TMEM181: variants seen among roughly 807,000 people sequenced by gnomAD.
The protein encoded by TMEM181 is G protein-coupled receptor 178.
A neutral mutation model predicts 71.9 loss-of-function variants in TMEM181; 39 were observed. The observed-to-expected ratio is 0.54, with a 90% CI of 0.42 to 0.71. The LOEUF is 0.71. Among genes scored for constraint, TMEM181 ranks in the 30% least tolerant of loss-of-function variants. TMEM181 has a pLI of 0.00. For missense variants in TMEM181, 595 were observed against 583.0 expected, an observed-to-expected ratio of 1.02 and a Z score of -0.21; for synonymous variants, 245 against 228.8, an observed-to-expected ratio of 1.07 and a Z score of -0.64.
exon 1 of TMEM181, chr6:158,536,850 A>G: frequency 2.0e-6 from 3 of 1,489,484 alleles, no homozygotes; most frequent in Non-Finnish European, 2.7e-6. Flanking sequence ...CCCTTCAAGG[A>G]TGACCGCTAC....
intron 2 of TMEM181, among the ~76,000 whole-genome samples, chr6:158,577,947 A>C (rs1305586033): frequency 1.3e-5 from 2 of 152,104 alleles, no homozygotes; most frequent in African/African-American, 4.8e-5. Flanking sequence ...AAAATTAGCC[A>C]GGCGTGGTGG....
At chr6:158,546,258 C>A (rs1334155660) in intron 1 of TMEM181, among the ~76,000 whole-genome samples, 5 of 152,158 alleles carry the variant, frequency 3.3e-5, no homozygotes, top group African/African-American at 9.7e-5. Flanking sequence ...AAATACCCTC[C>A]CCTCAGGCTG....
At chr6:158,550,487 C>A (rs1781684784) in intron 1 of TMEM181, among the ~76,000 whole-genome samples, 1 of 151,826 alleles carries the variant, frequency 6.6e-6, no homozygotes, top group African/African-American at 2.4e-5. Context: ...GAAGCCCCAT[C>A]TCTACTGAAA....
At chr6:158,617,179 A>C (rs1159447424) in intron 10 of TMEM181, among the ~76,000 whole-genome samples, 3 of 152,140 alleles carry the variant, frequency 2.0e-5, no homozygotes, top group South Asian at 2.1e-4. Flanking sequence ...TTGGTCTATT[A>C]AGAGATTCAG....
In TMEM181 at chr6:158,612,313, A is replaced by G. The variant is rs570033558; in HGVS notation, c.896+3563A>G. Among the ~76,000 whole-genome samples the G allele has an allele frequency of 3.9e-5, 6 of 152,330 alleles. No homozygotes were observed. The East Asian group carries it at 9.6e-4, about 24-fold the overall frequency. ...CTCCTGCTCTGTCATTCCAGACCCT[A>G]TAGTTATAAAAGGACCAGGGGCGAC... On this transcript the variant is annotated intron_variant, in intron 10 of 16. Transcript: ENST00000684151.
chr6:158,561,335 C>T (rs1226996050), intron 1 of TMEM181, among the ~76,000 whole-genome samples: 12 of 152,180 alleles, frequency 7.9e-5, no homozygotes, highest in African/African-American at 9.7e-5. Context: ...AATATCAGAC[C>T]TATGTGGATG....
intron 1 of TMEM181, among the ~76,000 whole-genome samples, chr6:158,540,460 A>G (rs1781299902): frequency 6.6e-6 from 1 of 152,226 alleles, no homozygotes; most frequent in South Asian, 2.1e-4. Context: ...TAAACTGGAA[A>G]GTAGCCAGAT....
At chr6:158,538,890 T>A (rs1781235727) in intron 1 of TMEM181, among the ~76,000 whole-genome samples, 1 of 152,062 alleles carries the variant, frequency 6.6e-6, no homozygotes, top group Non-Finnish European at 1.5e-5. Context: ...CATAAAAACA[T>A]GAAATGTTCA....
At chr6:158,631,054 C>T (rs372654221) in intron 15 of TMEM181, among the ~76,000 whole-genome samples, 3 of 152,256 alleles carry the variant, frequency 2.0e-5, no homozygotes, top group East Asian at 1.9e-4. Context: ...GGAGGCAGCT[C>T]GTGCGTGGGC....
intron 6 of TMEM181, among the ~76,000 whole-genome samples, chr6:158,599,330 T>G (rs1784548739): frequency 2.6e-5 from 4 of 152,146 alleles, no homozygotes. Flanking sequence ...GTGTGGGCAC[T>G]TGTTCCAAAG....
intron 1 of TMEM181, among the ~76,000 whole-genome samples, chr6:158,569,761 T>A (rs919514190): frequency 8.5e-5 from 13 of 152,236 alleles, no homozygotes; most frequent in African/African-American, 2.9e-4. Context: ...CCATCACACC[T>A]GGCTAAGTTT....
chr6:158,567,919 G>A (rs1450557157), intron 1 of TMEM181, among the ~76,000 whole-genome samples: 1 of 152,174 alleles, frequency 6.6e-6, no homozygotes, highest in Non-Finnish European at 1.5e-5. Flanking sequence ...ACTTTGAAAG[G>A]CCTGTCTAAA....
intron 2 of TMEM181, among the ~76,000 whole-genome samples, chr6:158,579,316 G>C (rs949138589): frequency 6.6e-6 from 1 of 150,906 alleles, no homozygotes; most frequent in African/African-American, 2.4e-5. Context: ...GTTCATAGCA[G>C]CATTATTCAC....
At chr6:158,587,676 T>A (rs1415013816) in intron 5 of TMEM181, among the ~76,000 whole-genome samples, 1 of 151,518 alleles carries the variant, frequency 6.6e-6, no homozygotes, top group East Asian at 1.9e-4. Context: ...ATTGTCTGAC[T>A]TAGGTAGCAA....
intron 7 of TMEM181, among the ~76,000 whole-genome samples, chr6:158,605,896 A>G (rs1784923353): frequency 6.6e-6 from 1 of 152,128 alleles, no homozygotes; most frequent in Admixed American, 6.5e-5. Flanking sequence ...GTCTGCAAAG[A>G]TAAGAATTGG....
intron 1 of TMEM181, among the ~76,000 whole-genome samples, chr6:158,540,073 T>C (rs1366851923): frequency 6.6e-6 from 1 of 152,250 alleles, no homozygotes; most frequent in East Asian, 1.9e-4. Context: ...CTTTTTAACT[T>C]GATAGCAATT....
chr6:158,601,775 AC>A (rs139547991), intron 6 of TMEM181, among the ~76,000 whole-genome samples: 12 of 151,874 alleles, frequency 7.9e-5, no homozygotes, highest in Non-Finnish European at 1.5e-4. Context: ...AAAAAAAAAA[AC>A]AAGGCTAAAA....
chr6:158,631,275 C>A, intron 15 of TMEM181, 48 bp from the exon 16 acceptor site: 6 of 1,596,392 alleles, frequency 3.8e-6, no homozygotes, highest in Non-Finnish European at 5.2e-6. Context: ...CCTGTCCAGG[C>A]TCATCACGTC....
intron 10 of TMEM181, among the ~76,000 whole-genome samples, chr6:158,619,369 C>CT (rs1375275644): frequency 3.3e-5 from 5 of 152,078 alleles, no homozygotes; most frequent in African/African-American, 1.2e-4. Flanking sequence ...CTTCTCTGTG[C>CT]TGTTTATTCT....
Sources: allele counts gnomAD v4.1 joint callset (sites outside exome capture counted in the v4.1 genomes callset), GRCh38; gene constraint gnomAD v4.1.1; transcripts MANE v1.5; gene names NCBI Gene and HGNC (gene_info 2026-07-23, HGNC 2026-07-21).